The following BCLAF3 variants were observed in gnomAD, a reference collection of about 807,000 sequenced individuals.
BCLAF3 encodes the protein BCLAF1 and THRAP3 family member 3.
In BCLAF3, 24 loss-of-function variants were observed where a neutral mutation model predicts 51.2. The observed-to-expected ratio is 0.47, with a 90% CI of 0.34 to 0.66. BCLAF3 has a LOEUF of 0.66. Ranked by LOEUF, BCLAF3 falls within the 30% of genes least tolerant of loss-of-function variation. The probability of loss-of-function intolerance (pLI) is 0.01; values close to 1 mark genes in which losing one functional copy is unlikely to be tolerated. For synonymous variants in BCLAF3, 152 were observed against 176.6 expected (o/e 0.86, Z 1.10); for missense variants, 465 against 525.1 (o/e 0.89, Z 1.12).
In BCLAF3 at chrX:19,913,966, C is replaced by G. The variant is rs2069869511; in HGVS notation, c.*3339G>C. On this transcript the variant is annotated 3_prime_UTR_variant, in exon 12 of 12. Transcript: ENST00000379682. Reference sequence around the variant, plus strand: ...ATTCTGTATTTTAATGGACTCAGAGCTCATAATCATCCTATTTGACGGAAC... The same window carrying G: ...ATTCTGTATTTTAATGGACTCAGAGGTCATAATCATCCTATTTGACGGAAC... The G allele has an allele frequency of 2.7e-5, 3 of 111,532 alleles. No individual in the cohort carries two copies. The highest frequency in any genetic ancestry group is 9.8e-5 in the African/African-American group (3 of 30,689). 9.2% of individuals were successfully genotyped at this position (111,532 alleles called of 1,213,427 possible).
intron 7 of BCLAF3, among the ~76,000 whole-genome samples, chrX:19,952,638 A>G (rs2071527659): frequency 8.9e-6 from 1 of 111,960 alleles, no homozygotes; most frequent in Non-Finnish European, 1.9e-5. Flanking sequence ...TTAAAAATAT[A>G]TTCCACGTGA....
At chrX:19,966,819 T>C (rs756849679) in intron 2 of BCLAF3, among the ~76,000 whole-genome samples, 170 bp from the exon 3 acceptor site, 27 of 111,288 alleles carry the variant, frequency 2.4e-4, no homozygotes, top group Admixed American at 6.8e-4. Flanking sequence ...GGGGTCTGAT[T>C]ATGGTACTGC....
rs780157141 is a variant in BCLAF3, at chrX:19,950,848, A to T, written c.1650T>A (p.Asp550Glu). ...CAATGTCATGTCGTAGGTCATTTGG[A>T]TCTATTATTTTGATCAGAGTCTGAG... ...ESEQTLIKII[D>E]PNDLRHDIER... The change falls in exon 8 of 12, where the codon GAT becomes GAA. Residue 550 changes from aspartate (D) to glutamate (E), a missense_variant. Asp to Glu is a conservative substitution (Grantham distance 45). Transcript: ENST00000379682. 5.8e-6 allele frequency: 7 copies of T among 1,206,685 alleles called. No homozygotes were observed. In the South Asian group the frequency reaches 1.2e-4, roughly 21 times the overall value.
At chrX:19,956,483 A>C (rs763662468) in intron 4 of BCLAF3, among the ~76,000 whole-genome samples, 3 of 112,032 alleles carry the variant, frequency 2.7e-5, no homozygotes, top group Non-Finnish European at 5.6e-5. Flanking sequence ...GAGCATTCAA[A>C]TGAACATGTC....
At chrX:19,976,436 G>A (rs1156414518) in intron 1 of BCLAF3, among the ~76,000 whole-genome samples, 1 of 111,486 alleles carries the variant, frequency 9.0e-6, no homozygotes, top group Admixed American at 9.5e-5. Context: ...TGTCACCCAG[G>A]CTGGAGTGCA....
At chrX:19,940,516 C>T (rs767804857) in intron 8 of BCLAF3, among the ~76,000 whole-genome samples, 2,586 of 110,099 alleles carry the variant, frequency 0.023, 83 homozygotes, top group African/African-American at 0.081. Context: ...TGAGAATATG[C>T]GGTGTTTGGT....
chrX:19,960,668 G>T (rs1338753216), intron 4 of BCLAF3, among the ~76,000 whole-genome samples: 2 of 111,358 alleles, frequency 1.8e-5, no homozygotes, highest in East Asian at 5.6e-4. Flanking sequence ...GTCCATCATA[G>T]GTACACTTAT....
chrX:19,982,798 T>C (rs1267900974), intron 1 of BCLAF3, among the ~76,000 whole-genome samples: 3 of 110,677 alleles, frequency 2.7e-5, no homozygotes, highest in African/African-American at 9.8e-5. Flanking sequence ...TAAAATATTA[T>C]GATGGATTTG....
chrX:19,953,181 G>C, intron 6 of BCLAF3, 130 bp from the exon 7 acceptor site: 1 of 503,647 alleles, frequency 2.0e-6, no homozygotes, highest in East Asian at 3.7e-5. Context: ...CTTGCTACCA[G>C]ATAGTTTTTC....
At chrX:19,934,179 T>C (rs771778201) in intron 10 of BCLAF3, among the ~76,000 whole-genome samples, 2 of 112,420 alleles carry the variant, frequency 1.8e-5, no homozygotes, top group East Asian at 2.8e-4. Flanking sequence ...CTTTAAATGA[T>C]TGGTCAAGAG....
chrX:19,953,706 G>A (rs2071570850), intron 6 of BCLAF3, 72 bp downstream of exon 6: 2 of 839,167 alleles, frequency 2.4e-6, no homozygotes, highest in African/African-American at 4.0e-5. Context: ...TCGGAAAGCA[G>A]CCCCTTCCCA....
intron 11 of BCLAF3, among the ~76,000 whole-genome samples, chrX:19,920,514 T>C (rs1221852298): frequency 9.0e-6 from 1 of 110,927 alleles, no homozygotes; most frequent in Non-Finnish European, 1.9e-5. Flanking sequence ...TGAAAGGTAA[T>C]AAGGTAAGAT....
intron 9 of BCLAF3, among the ~76,000 whole-genome samples, chrX:19,936,667 T>C (rs2070772406): frequency 9.0e-6 from 1 of 111,482 alleles, no homozygotes; most frequent in Non-Finnish European, 1.9e-5. Flanking sequence ...AGATTTTACT[T>C]GTGAAATTAG....
At position 19,915,437 on chromosome X, in the gene BCLAF3, T is replaced by A. The variant is rs1044976042; in HGVS notation, c.*1868A>T. ...TTTAGATCTTATACACACAATGTTT[T>A]CTGCACAGGTATTTTGCAGATAACA... On this transcript the variant is annotated 3_prime_UTR_variant, in exon 12 of 12. Coordinates refer to ENST00000379682, the MANE Select transcript of BCLAF3 (RefSeq NM_001367774.2). 8.9e-6 allele frequency: 1 copy of A among 112,240 alleles called. No homozygotes were observed. The highest frequency in any genetic ancestry group is 1.9e-5 in the Non-Finnish European group (1 of 53,303). 9.2% of individuals were successfully genotyped at this position (112,240 alleles called of 1,213,427 possible).
intron 11 of BCLAF3, among the ~76,000 whole-genome samples, chrX:19,921,281 G>C (rs1218112342): frequency 8.9e-6 from 1 of 111,792 alleles, no homozygotes; most frequent in Non-Finnish European, 1.9e-5. Flanking sequence ...AAACAAGCGA[G>C]AAGACTCCAA....
At chrX:19,943,711 G>A (rs1448399562) in intron 8 of BCLAF3, among the ~76,000 whole-genome samples, 1 of 54,305 alleles carries the variant, frequency 1.8e-5, no homozygotes, top group Non-Finnish European at 3.2e-5. Context: ...GTCAATTTTG[G>A]AATAGGTGTG....
Position 19,935,874 on chromosome X carries a change from T to C in BCLAF3, c.1885A>G (p.Ile629Val). 5.0e-6 allele frequency: 6 copies of C among 1,210,004 alleles called. No homozygotes were observed. Among genetic ancestry groups the C allele is most frequent in the Non-Finnish European group, 6.7e-6 (6 of 893,766 alleles). Residue 629 changes from isoleucine to valine, a missense_variant, in exon 10 of 12, where the codon ATA becomes GTA. Physicochemically the swap from Ile to Val is conservative, Grantham distance 29. Transcript: ENST00000379682. ...YMNYTTQRKD[I>V]ITHKPFEVEG... ...ACCTCAAATGGTTTGTGAGTAATTA[T>C]GTCTTTTCTCTGCGTAGTATAATTC...
At chrX:19,986,638 G>A (rs1289138010) in intron 1 of BCLAF3, among the ~76,000 whole-genome samples, 2 of 111,287 alleles carry the variant, frequency 1.8e-5, no homozygotes, top group African/African-American at 6.5e-5. Flanking sequence ...AATGAAAACT[G>A]TTAACACATG....
intron 7 of BCLAF3, among the ~76,000 whole-genome samples, chrX:19,951,143 A>G (rs932774448): frequency 1.8e-5 from 2 of 111,383 alleles, no homozygotes; most frequent in Middle Eastern, 4.6e-3. Flanking sequence ...TTAAAATAAC[A>G]AAAAATAGAA....
Sources: gnomAD v4.1 joint callset for allele counts (sites outside exome capture counted in the v4.1 genomes callset) on GRCh38, gnomAD v4.1.1 for gene constraint, MANE v1.5 for transcripts, NCBI Gene and HGNC (gene_info 2026-07-23, HGNC 2026-07-21) for gene names.